The following DLG2 variants were observed in gnomAD, a reference collection of about 807,000 sequenced individuals.
The protein encoded by DLG2 is disks large homolog 2.
In DLG2, 45 loss-of-function variants were observed where a neutral mutation model predicts 132.5. That is an observed-to-expected ratio of 0.34 (90% confidence interval 0.27 to 0.44). The LOEUF (loss-of-function observed/expected upper bound fraction) is 0.44, where lower values mean the gene tolerates loss of function less well. Among genes scored for constraint, DLG2 ranks in the 20% least tolerant of loss-of-function variants. The probability of loss-of-function intolerance (pLI) is 1.00; values close to 1 mark genes in which losing one functional copy is unlikely to be tolerated. For missense variants in DLG2, 1,045 were observed against 1,196.9 expected (o/e 0.87, Z 1.87); for synonymous variants, 424 against 419.6 (o/e 1.01, Z -0.13).
Position 83,930,431 on chromosome 11 carries a change from A to G in DLG2, c.1393T>C (p.Ser465Pro). 6.2e-7 allele frequency: 1 copy of G among 1,613,982 alleles called. No homozygotes were observed. The highest frequency in any genetic ancestry group is 8.5e-7 in the Non-Finnish European group (1 of 1,179,878). The change falls in exon 15 of 28, where the codon TCT becomes CCT. Residue 465 changes from serine (S) to proline (P), a missense_variant. By Grantham distance (74) the Ser-to-Pro change is moderately conservative. This residue lies in a region of DLG2 where 261 missense variants were observed against 256.1 expected (regional missense o/e 1.02). Coordinates refer to ENST00000376104, the MANE Select transcript of DLG2 (RefSeq NM_001142699.3). ...TVNKLCDKPASPRHYSPVECD... is the reference protein window; with the variant it reads ...TVNKLCDKPAPPRHYSPVECD... ...TCAACAGGGGAATAGTGCCTGGGAG[A>G]AGCAGGCTTATCACATAGTTTGTTC...
intron 6 of DLG2, among the ~76,000 whole-genome samples, chr11:84,702,903 T>C (rs2059357521): frequency 6.6e-6 from 1 of 151,666 alleles, no homozygotes; most frequent in South Asian, 2.1e-4. Flanking sequence ...TAAATACTTG[T>C]TAAAAAGCTA....
chr11:83,597,483 T>G (rs2057789206), intron 19 of DLG2, among the ~76,000 whole-genome samples: 1 of 152,096 alleles, frequency 6.6e-6, no homozygotes, highest in African/African-American at 2.4e-5. Context: ...AGCCCAAAAG[T>G]TTGAGACCAG....
chr11:85,529,703 CT>C (rs1487506799), intron 3 of DLG2, among the ~76,000 whole-genome samples: 1 of 152,146 alleles, frequency 6.6e-6, no homozygotes, highest in East Asian at 1.9e-4. Flanking sequence ...TCAGATATAA[CT>C]TTGCACATAA....
Position 84,761,739 on chromosome 11 carries a change from C to T in DLG2, c.358-227008G>A, listed in dbSNP as rs374649543. On this transcript the variant is annotated intron_variant, in intron 6 of 27. Coordinates refer to ENST00000376104, the MANE Select transcript of DLG2 (RefSeq NM_001142699.3). Reference sequence around the variant, plus strand: ...CAGACTGAAGGCTGCTATTGGCTTCCCTACTTTTGAGGTTTTGGGACACAG... The same window carrying T: ...CAGACTGAAGGCTGCTATTGGCTTCTCTACTTTTGAGGTTTTGGGACACAG... Among the ~76,000 whole-genome samples, 10 of 152,230 alleles carry T rather than the reference C, an allele frequency of 6.6e-5. No individual in the cohort carries two copies. The East Asian group carries it at 1.9e-3, about 29-fold the overall frequency.
intron 19 of DLG2, among the ~76,000 whole-genome samples, chr11:83,611,290 G>T (rs907024827): frequency 6.6e-6 from 1 of 151,802 alleles, no homozygotes; most frequent in Admixed American, 6.6e-5. Context: ...AAGGGGGGAA[G>T]GGGGAGAGAG....
chr11:84,239,616 C>CATCT (rs1427399085), intron 8 of DLG2, among the ~76,000 whole-genome samples: 1 of 152,180 alleles, frequency 6.6e-6, no homozygotes, highest in Non-Finnish European at 1.5e-5. Flanking sequence ...ATTTGTTGAA[C>CATCT]ATCTATTATG....
chr11:85,427,038 T>A (rs1171279779), intron 3 of DLG2, among the ~76,000 whole-genome samples: 1 of 151,878 alleles, frequency 6.6e-6, no homozygotes, highest in Non-Finnish European at 1.5e-5. Context: ...TGATGGAAGA[T>A]GAAATGAATG....
intron 21 of DLG2, among the ~76,000 whole-genome samples, chr11:83,531,752 C>T (rs571102976): frequency 2.0e-5 from 3 of 150,188 alleles, no homozygotes; most frequent in South Asian, 4.2e-4. Flanking sequence ...TTGAAATGTC[C>T]ATCAACTGAT....
chr11:85,193,652 G>C (rs1177769770), intron 4 of DLG2, among the ~76,000 whole-genome samples: 1 of 152,040 alleles, frequency 6.6e-6, no homozygotes, highest in Non-Finnish European at 1.5e-5. Context: ...CTTTTTGTGT[G>C]TTTTAGCCAT....
chr11:84,026,416 T>A lies in DLG2; in HGVS notation c.919+32899A>T, dbSNP rs17146590. On this transcript the variant is annotated intron_variant, in intron 11 of 27. Transcript: ENST00000376104. The stretch of plus-strand genomic sequence containing the variant: ...ACTGTGGCCTTATAACGATTAGACT[T>A]GTAAAATCATAGAGCTGAAAGAGAC... Among the ~76,000 whole-genome samples the A allele has an allele frequency of 7.0e-3, 1,071 of 152,204 alleles. 16 individuals are homozygous for A. The highest frequency in any genetic ancestry group is 0.025 in the African/African-American group (1,031 of 41,546).
intron 6 of DLG2, among the ~76,000 whole-genome samples, chr11:85,092,078 A>G (rs1365740156): frequency 6.6e-6 from 1 of 152,236 alleles, no homozygotes; most frequent in Non-Finnish European, 1.5e-5. Context: ...CTTGAAAATT[A>G]AAATTACTCC....
intron 7 of DLG2, among the ~76,000 whole-genome samples, chr11:84,284,531 A>G (rs1190682154): frequency 7.9e-5 from 12 of 152,240 alleles, no homozygotes; most frequent in Admixed American, 7.8e-4. Context: ...GGGAAAGAAA[A>G]CAAGAGACCT....
At chr11:84,458,683 C>A (rs1271675654) in intron 7 of DLG2, among the ~76,000 whole-genome samples, 1 of 150,370 alleles carries the variant, frequency 6.7e-6, no homozygotes. Flanking sequence ...TTTTGAAGTT[C>A]TTATGTAGTC....
chr11:84,281,057 T>C (rs558415489), intron 7 of DLG2, among the ~76,000 whole-genome samples: 6 of 152,072 alleles, frequency 3.9e-5, no homozygotes, highest in South Asian at 4.2e-4. Flanking sequence ...CAAAGGCAAC[T>C]TAATAAAGGA....
intron 6 of DLG2, among the ~76,000 whole-genome samples, chr11:84,568,777 A>G (rs1332716285): frequency 2.0e-5 from 3 of 152,200 alleles, no homozygotes; most frequent in East Asian, 3.9e-4. Context: ...TTCCATTTCT[A>G]TGCAATTCAA....
intron 19 of DLG2, among the ~76,000 whole-genome samples, chr11:83,588,804 T>A (rs2097137391): frequency 6.6e-6 from 1 of 152,118 alleles, no homozygotes; most frequent in East Asian, 1.9e-4. Context: ...AAGGAGCTGA[T>A]GGAGCTGAAA....
At chr11:84,639,304 G>T (rs1356152681) in intron 6 of DLG2, among the ~76,000 whole-genome samples, 1 of 145,442 alleles carries the variant, frequency 6.9e-6, no homozygotes, top group Non-Finnish European at 1.5e-5. Context: ...TATTTTTCAT[G>T]TTCTGAAATG....
At chr11:85,425,859 G>A (rs571461683) in intron 3 of DLG2, among the ~76,000 whole-genome samples, 19 of 152,300 alleles carry the variant, frequency 1.2e-4, no homozygotes, top group Middle Eastern at 3.4e-3. Flanking sequence ...CCCAGGAAGC[G>A]CAAGGGGTCA....
At position 85,157,781 on chromosome 11, in the gene DLG2, G is replaced by A. The variant is rs149157171; in HGVS notation, c.187-3130C>T. On this transcript the variant is annotated intron_variant, in intron 4 of 27. Coordinates refer to ENST00000376104, the MANE Select transcript of DLG2 (RefSeq NM_001142699.3). ...ACTGATTGGAAAAGAATGGGACCCTGCAACTTGGAATGGCAATGTTTGGGA... is the reference window on the plus strand; with the variant it reads ...ACTGATTGGAAAAGAATGGGACCCTACAACTTGGAATGGCAATGTTTGGGA... Among the ~76,000 whole-genome samples the A allele has an allele frequency of 7.0e-3, 1,059 of 152,266 alleles. 11 individuals carry two copies. Among genetic ancestry groups the A allele is most frequent in the African/African-American group, 0.024 (1,004 of 41,542 alleles).
Sources: gnomAD v4.1 joint callset for allele counts (sites outside exome capture counted in the v4.1 genomes callset) on GRCh38, gnomAD v4.1.1 for gene constraint, gnomAD v4.1.1 regional missense constraint, MANE v1.5 for transcripts, NCBI Gene and HGNC (gene_info 2026-07-23, HGNC 2026-07-21) for gene names.